The following EXOC6B variants were observed in gnomAD, a reference collection of about 807,000 sequenced individuals.
EXOC6B encodes SEC15 homolog B.
EXOC6B carries 54 observed loss-of-function variants against 113.5 expected under a neutral mutation model. That is an observed-to-expected ratio of 0.48 (90% confidence interval 0.38 to 0.60). The LOEUF is 0.60. EXOC6B is among the 20% of genes least tolerant of loss of function. EXOC6B has a pLI of 0.00. For synonymous variants in EXOC6B, 357 were observed against 339.0 expected (o/e 1.05, Z -0.58); for missense variants, 797 against 977.5 (o/e 0.82, Z 2.46).
chr2:72,729,452 C>A (rs1051387356), intron 5 of EXOC6B, among the ~76,000 whole-genome samples: 1 of 149,572 alleles, frequency 6.7e-6, no homozygotes, highest in East Asian at 1.9e-4. Context: ...ACTCTGTCAC[C>A]CAGGCTGGAG....
At position 72,338,626 on chromosome 2, in the gene EXOC6B, G is replaced by C. The variant is rs114703600; in HGVS notation, c.2123-3606C>G. 6.8e-3 allele frequency among the ~76,000 whole-genome samples: 1,030 copies of C among 152,070 alleles called. 12 individuals are homozygous for C. Among genetic ancestry groups the C allele is most frequent in the African/African-American group, 0.023 (961 of 41,484 alleles). ...GTAATTTTGTGACTCAGTATGCCCT[G>C]GGAAACATGATTAACTTTTTACATA... On this transcript the variant is annotated intron_variant, in intron 19 of 21. Transcript: ENST00000272427.
intron 8 of EXOC6B, among the ~76,000 whole-genome samples, chr2:72,541,771 T>C (rs1023397536): frequency 2.0e-5 from 3 of 152,190 alleles, no homozygotes; most frequent in Non-Finnish European, 4.4e-5. Flanking sequence ...TATGATTTAG[T>C]AATATTCCCA....
chr2:72,372,287 AAT>A (rs1467706483), intron 19 of EXOC6B, among the ~76,000 whole-genome samples: 3 of 152,308 alleles, frequency 2.0e-5, no homozygotes, highest in African/African-American at 7.2e-5. Context: ...TCAAAGTACC[AAT>A]GACATTTTTA....
intron 1 of EXOC6B, among the ~76,000 whole-genome samples, chr2:72,754,198 C>A (rs1256363567): frequency 1.3e-5 from 2 of 151,960 alleles, no homozygotes; most frequent in Non-Finnish European, 2.9e-5. Flanking sequence ...AGAAGCTGCT[C>A]TTCTTACCAA....
chr2:72,792,478 T>G (rs1292185213), intron 1 of EXOC6B, among the ~76,000 whole-genome samples: 1 of 152,218 alleles, frequency 6.6e-6, no homozygotes, highest in Non-Finnish European at 1.5e-5. Context: ...CTAGCTTTTC[T>G]TCTTACTTCA....
chr2:72,559,542 C>G (rs750057601), intron 7 of EXOC6B, 21 bp from the exon 8 acceptor site: 6 of 1,592,582 alleles, frequency 3.8e-6, no homozygotes, highest in Non-Finnish European at 8.6e-7. Flanking sequence ...AAGATTATAA[C>G]AAAAAAATTC....
At chr2:72,419,568 A>C (rs902580849) in intron 18 of EXOC6B, among the ~76,000 whole-genome samples, 2 of 152,172 alleles carry the variant, frequency 1.3e-5, no homozygotes, top group Non-Finnish European at 2.9e-5. Context: ...CAATTTTTCC[A>C]GATATAGAAT....
At chr2:72,549,033 T>G (rs908307640) in intron 8 of EXOC6B, among the ~76,000 whole-genome samples, 3 of 151,534 alleles carry the variant, frequency 2.0e-5, no homozygotes, top group South Asian at 2.1e-4. Flanking sequence ...ATAAAAAAAT[T>G]TAAATAAATA....
chr2:72,224,819 T>TGTGCGCGC (rs1553468177), intron 20 of EXOC6B, among the ~76,000 whole-genome samples: 6 of 150,146 alleles, frequency 4.0e-5, no homozygotes, highest in Non-Finnish European at 7.4e-5. Flanking sequence ...TGTGTGTGTG[T>TGTGCGCGC]GCGTGTGTGT....
rs1313867961 is a variant in EXOC6B, at chr2:72,514,978, C to T, written c.999+65G>A. The T allele has an allele frequency of 5.2e-6, 7 of 1,347,044 alleles. No homozygotes were observed. The African/African-American group carries it at 8.7e-5, about 17-fold the overall frequency. 83.4% of individuals were successfully genotyped at this position (1,347,044 alleles called of 1,614,324 possible). A position where few individuals can be genotyped will look rare whatever the true frequency, so the allele number is the denominator to read the frequency against. ...AGACACACACACACACACACACACA[C>T]ACGCATCAAAAGACATCAAGGAGGA... On this transcript the variant is annotated intron_variant, in intron 9 of 21. Transcript: ENST00000272427.
At chr2:72,621,703 G>C (rs1043672761) in intron 6 of EXOC6B, among the ~76,000 whole-genome samples, 1 of 152,106 alleles carries the variant, frequency 6.6e-6, no homozygotes, top group African/African-American at 2.4e-5. Context: ...ACAACCAAAT[G>C]TTTACACTTC....
intron 18 of EXOC6B, among the ~76,000 whole-genome samples, chr2:72,390,022 T>C (rs1045909263): frequency 6.6e-6 from 1 of 151,818 alleles, no homozygotes; most frequent in African/African-American, 2.4e-5. Flanking sequence ...GAGGTGGAGG[T>C]TGCAGTGAGC....
chr2:72,574,702 G>A (rs1326633346), intron 7 of EXOC6B, among the ~76,000 whole-genome samples: 1 of 152,090 alleles, frequency 6.6e-6, no homozygotes, highest in Non-Finnish European at 1.5e-5. Flanking sequence ...AAACTTAAAT[G>A]GCAGAGCCAG....
chr2:72,329,497 G>A lies in EXOC6B; in HGVS notation c.2196+5450C>T, dbSNP rs147438313. 7.0e-3 allele frequency among the ~76,000 whole-genome samples: 1,070 copies of A among 152,150 alleles called. 12 individuals carry two copies. Among genetic ancestry groups the A allele is most frequent in the African/African-American group, 0.023 (973 of 41,528 alleles). ...GTATATTGCTGTATCAGAAAACAAAGATCAGCTTCTGATATAAATGGGTTT... is the reference window on the plus strand; with the variant it reads ...GTATATTGCTGTATCAGAAAACAAAAATCAGCTTCTGATATAAATGGGTTT... On this transcript the variant is annotated intron_variant, in intron 20 of 21. Transcript: ENST00000272427.
chr2:72,821,692 G>A (rs1172725321), intron 1 of EXOC6B, among the ~76,000 whole-genome samples: 2 of 151,954 alleles, frequency 1.3e-5, no homozygotes, highest in Non-Finnish European at 2.9e-5. Context: ...AAAACATTCA[G>A]TTACCAAAAA....
chr2:72,535,953 T>C (rs1435785772), intron 8 of EXOC6B, among the ~76,000 whole-genome samples: 1 of 152,026 alleles, frequency 6.6e-6, no homozygotes, highest in East Asian at 1.9e-4. Flanking sequence ...CTAAAAGTAG[T>C]GTTATAGGAA....
At chr2:72,537,200 A>G (rs912042171) in intron 8 of EXOC6B, among the ~76,000 whole-genome samples, 3 of 151,750 alleles carry the variant, frequency 2.0e-5, no homozygotes, top group Non-Finnish European at 4.4e-5. Context: ...ATTTGTCTTT[A>G]TCTTCTTCCT....
intron 18 of EXOC6B, among the ~76,000 whole-genome samples, chr2:72,424,139 G>A (rs1356404625): frequency 6.6e-6 from 1 of 151,962 alleles, no homozygotes; most frequent in African/African-American, 2.4e-5. Flanking sequence ...CTATGATTGG[G>A]GGACAGTTTT....
At chr2:72,306,705 AC>A (rs1403348504) in intron 20 of EXOC6B, among the ~76,000 whole-genome samples, 6 of 152,188 alleles carry the variant, frequency 3.9e-5, no homozygotes, top group African/African-American at 1.2e-4. Context: ...ATACTGCTAA[AC>A]TATTCTCCAA....
Sources: gnomAD v4.1 joint callset for allele counts (sites outside exome capture counted in the v4.1 genomes callset) on GRCh38, gnomAD v4.1.1 for gene constraint, MANE v1.5 for transcripts, NCBI Gene and HGNC (gene_info 2026-07-23, HGNC 2026-07-21) for gene names.